BEND6: variants seen among roughly 807,000 people sequenced by gnomAD.
BEND6 encodes BEN domain-containing protein 6.
A neutral mutation model predicts 31.8 loss-of-function variants in BEND6; 24 were observed. That is an observed-to-expected ratio of 0.75 (90% CI 0.55 to 1.06). BEND6 has a LOEUF of 1.06. Ranked by LOEUF, BEND6 falls within the 50% of genes least tolerant of loss-of-function variation. The pLI, the probability that BEND6 is intolerant of heterozygous loss-of-function variation, is 0.00. For synonymous variants in BEND6, 109 were observed against 114.6 expected (o/e 0.95, Z 0.31); for missense variants, 294 against 327.4 (o/e 0.90, Z 0.79).
chr6:56,965,676 TTATATATA>T (rs35074783), intron 1 of BEND6, among the ~76,000 whole-genome samples: 11,082 of 136,544 alleles, frequency 0.081, 559 homozygotes, highest in East Asian at 0.19. Flanking sequence ...ACAAAAAAAT[TTATATATA>T]TATATATATA....
chr6:56,993,574 C>T (rs1222224820), intron 3 of BEND6, among the ~76,000 whole-genome samples: 1 of 152,176 alleles, frequency 6.6e-6, no homozygotes, highest in East Asian at 1.9e-4. Context: ...TGATTCACAT[C>T]CTTTCCTAAG....
chr6:56,972,328 C>T (rs1456223494), intron 1 of BEND6, among the ~76,000 whole-genome samples: 1 of 152,070 alleles, frequency 6.6e-6, no homozygotes, highest in Non-Finnish European at 1.5e-5. Context: ...CCTCTGAGCT[C>T]AAGTGGTCTA....
intron 6 of BEND6, among the ~76,000 whole-genome samples, chr6:57,023,768 G>A (rs1012523523): frequency 6.6e-6 from 1 of 152,110 alleles, no homozygotes; most frequent in Admixed American, 6.5e-5. Context: ...ACCACACCTA[G>A]CTAGTAAGCT....
At chr6:57,021,848 G>A (rs114867889) in intron 6 of BEND6, among the ~76,000 whole-genome samples, 2,076 of 152,212 alleles carry the variant, frequency 0.014, 22 homozygotes, top group South Asian at 0.055. Flanking sequence ...GGGGGGCGGC[G>A]GAGAGGGAGG....
At chr6:57,002,280 C>T (rs1368473465) in intron 3 of BEND6, among the ~76,000 whole-genome samples, 1 of 151,978 alleles carries the variant, frequency 6.6e-6, no homozygotes, top group Non-Finnish European at 1.5e-5. Context: ...TTGAGAACAC[C>T]CCACTGACAA....
intron 3 of BEND6, among the ~76,000 whole-genome samples, chr6:57,002,564 C>G (rs1826983343): frequency 6.6e-6 from 1 of 151,812 alleles, no homozygotes; most frequent in Admixed American, 6.6e-5. Context: ...AAGAAGATCT[C>G]TCAAAACCAC....
intron 1 of BEND6, among the ~76,000 whole-genome samples, chr6:56,960,226 A>G (rs1251869722): frequency 6.6e-6 from 1 of 152,192 alleles, no homozygotes; most frequent in Non-Finnish European, 1.5e-5. Flanking sequence ...CATAAATCAA[A>G]TTATAAAGCT....
intron 1 of BEND6, among the ~76,000 whole-genome samples, chr6:56,964,451 AC>A (rs1285067865): frequency 4.0e-5 from 6 of 151,794 alleles, no homozygotes; most frequent in Admixed American, 2.6e-4. Flanking sequence ...TCAAAGACTG[AC>A]AACACTGTCC....
chr6:57,002,133 T>C (rs1201688464), intron 3 of BEND6, among the ~76,000 whole-genome samples: 1 of 152,198 alleles, frequency 6.6e-6, no homozygotes, highest in Non-Finnish European at 1.5e-5. Flanking sequence ...TACATAATGA[T>C]AAAAGGTTCA....
intron 6 of BEND6, among the ~76,000 whole-genome samples, chr6:57,022,158 C>CTTTTTTTT (rs1320495722): frequency 8.2e-6 from 1 of 122,434 alleles, no homozygotes; most frequent in Non-Finnish European, 1.8e-5. Context: ...TTCTTTTTTT[C>CTTTTTTTT]TTTTTCTTTT....
At chr6:57,008,252 TC>T in intron 3 of BEND6, 1 of 702,802 alleles carries the variant, frequency 1.4e-6, no homozygotes, top group Admixed American at 2.0e-5. Flanking sequence ...CCTTGACTCA[TC>T]TCAGATACGG....
intron 2 of BEND6, among the ~76,000 whole-genome samples, chr6:56,992,054 A>G (rs1222064913): frequency 6.6e-6 from 1 of 152,258 alleles, no homozygotes; most frequent in Non-Finnish European, 1.5e-5. Context: ...CGGGCTGTAT[A>G]TCAGAGAAGA....
At chr6:56,997,961 G>A (rs183519588) in intron 3 of BEND6, among the ~76,000 whole-genome samples, 117 of 152,028 alleles carry the variant, frequency 7.7e-4, no homozygotes, top group Non-Finnish European at 1.4e-3. Context: ...TTCACGGAGC[G>A]TGTGTGTGGG....
intron 3 of BEND6, among the ~76,000 whole-genome samples, chr6:56,993,311 TCAGTTGTAAAACAGTAAATACA>T (rs763199783): frequency 7.9e-5 from 12 of 152,214 alleles, no homozygotes; most frequent in Non-Finnish European, 1.6e-4. Flanking sequence ...TTGGCAGCAC[TCAGTTGTAAAACAGTAAATACA>T]CAGAACATTT....
chr6:57,013,220 C>G (rs560910590), intron 3 of BEND6, among the ~76,000 whole-genome samples: 1 of 152,280 alleles, frequency 6.6e-6, no homozygotes, highest in South Asian at 2.1e-4. Context: ...CCCAAAACCA[C>G]CCTCATATTC....
chr6:56,974,363 G>A (rs1483135304), intron 1 of BEND6, among the ~76,000 whole-genome samples: 2 of 152,096 alleles, frequency 1.3e-5, no homozygotes, highest in Non-Finnish European at 2.9e-5. Flanking sequence ...TGGTTCATCT[G>A]CCTGCCATCT....
intron 1 of BEND6, among the ~76,000 whole-genome samples, chr6:56,958,965 T>A (rs1677049523): frequency 6.6e-6 from 1 of 152,192 alleles, no homozygotes; most frequent in Admixed American, 6.5e-5. Flanking sequence ...TTGCAGAAAT[T>A]TAACTCTAAA....
At position 56,981,922 on chromosome 6, in the gene BEND6, A is replaced by G. The variant is rs769312379; in HGVS notation, c.112A>G (p.Lys38Glu). Residue 38 changes from lysine (K) to glutamate (E), a missense_variant, in exon 2 of 7, where the codon AAA becomes GAA. Coordinates refer to ENST00000370746, the MANE Select transcript of BEND6 (RefSeq NM_152731.3). ...DSENANSDMDKGQRDPYSGNA... is the reference protein window; with the variant it reads ...DSENANSDMDEGQRDPYSGNA... The stretch of plus-strand genomic sequence containing the variant: ...AGAAAATGCAAATAGTGACATGGAT[A>G]AAGGACAGGTTGGTTTTTTGTTACC... The G allele has an allele frequency of 6.8e-6, 11 of 1,608,804 alleles. No homozygotes were observed. The African/African-American group carries it at 8.0e-5, about 12-fold the overall frequency.
intron 3 of BEND6, among the ~76,000 whole-genome samples, chr6:56,998,354 C>T (rs569621448): frequency 2.6e-5 from 4 of 152,210 alleles, no homozygotes; most frequent in Non-Finnish European, 5.9e-5. Context: ...AATGAATATG[C>T]TATTCTAGAA....
Sources: allele counts gnomAD v4.1 joint callset (sites outside exome capture counted in the v4.1 genomes callset), GRCh38; gene constraint gnomAD v4.1.1; transcripts MANE v1.5; gene names NCBI Gene and HGNC (gene_info 2026-07-23, HGNC 2026-07-21).